Variants in CFAP69 observed in about 807,000 individuals in gnomAD.
CFAP69 encodes the protein cilia- and flagella-associated protein 69.
CFAP69 carries 92 observed loss-of-function variants against 123.0 expected under a neutral mutation model. The observed-to-expected ratio is 0.75, with a 90% CI of 0.63 to 0.89. CFAP69 has a LOEUF of 0.89. Among genes scored for constraint, CFAP69 ranks in the 40% least tolerant of loss-of-function variants. The probability of loss-of-function intolerance (pLI) is 0.00; values close to 1 mark genes in which losing one functional copy is unlikely to be tolerated. For missense variants in CFAP69, 1,067 were observed against 1,096.9 expected, an observed-to-expected ratio of 0.97 and a Z score of 0.39; for synonymous variants, 380 against 364.3, an observed-to-expected ratio of 1.04 and a Z score of -0.49.
chr7:90,316,570 C>T, the CFAP69 span: 2 of 151,936 alleles, frequency 1.3e-5, no homozygotes, highest in African/African-American at 4.8e-5. Context: ...ACTAATATAC[C>T]CTAAAGCTTA....
At chr7:90,265,095 G>T in intron 4 of CFAP69, among the ~76,000 whole-genome samples, 1 of 151,922 alleles carries the variant, frequency 6.6e-6, no homozygotes, top group Non-Finnish European at 1.5e-5. Flanking sequence ...CCCGGCCCCA[G>T]AAACATTTTT....
intron 19 of CFAP69, 127 bp downstream of exon 19, chr7:90,304,947 C>T (rs751093959): frequency 2.9e-6 from 2 of 700,238 alleles, no homozygotes; most frequent in Non-Finnish European, 4.4e-6. Context: ...TTTCATTTTG[C>T]ATCTGATGCT....
At chr7:90,246,335 G>T (rs567115603) in intron 1 of CFAP69, among the ~76,000 whole-genome samples, 30 of 152,218 alleles carry the variant, frequency 2.0e-4, no homozygotes, top group African/African-American at 6.0e-4. Flanking sequence ...CTTAAAAGCC[G>T]CGAATTCCTG....
At chr7:90,269,490 G>A (rs1393569015) in intron 6 of CFAP69, among the ~76,000 whole-genome samples, 1 of 152,182 alleles carries the variant, frequency 6.6e-6, no homozygotes, top group Non-Finnish European at 1.5e-5. Context: ...CATGTCTTGT[G>A]TGCCAGTGAA....
At chr7:90,283,456 A>T (rs1437554277) in intron 13 of CFAP69, among the ~76,000 whole-genome samples, 1 of 152,176 alleles carries the variant, frequency 6.6e-6, no homozygotes, top group Non-Finnish European at 1.5e-5. Context: ...ATTTACAGAA[A>T]TGTACAGAGG....
intron 17 of CFAP69, chr7:90,302,105 G>T (rs1374679403): frequency 2.0e-5 from 3 of 152,026 alleles, no homozygotes; most frequent in African/African-American, 4.8e-5. Context: ...TATGCTTGTT[G>T]GCTGCATGTA....
At chr7:90,262,972 T>G (rs10251227) in intron 4 of CFAP69, among the ~76,000 whole-genome samples, 96,021 of 151,794 alleles carry the variant, frequency 0.63, 30,879 homozygotes, top group East Asian at 0.93. Context: ...AATAGACAGG[T>G]ACAATGGAAA....
At chr7:90,300,724 C>G (rs937521233) in intron 17 of CFAP69, 1 of 181,256 alleles carries the variant, frequency 5.5e-6, no homozygotes, top group African/African-American at 2.4e-5. Context: ...AATCTTGGCT[C>G]ACTGAAACCT....
At chr7:90,319,457 A>G in the CFAP69 span, 1 of 398,624 alleles carries the variant, frequency 2.5e-6, no homozygotes, top group Non-Finnish European at 4.4e-6. Flanking sequence ...TACATGTCCC[A>G]GAAATCCTGA....
chr7:90,273,332 T>G (rs1800232432), intron 8 of CFAP69, among the ~76,000 whole-genome samples: 1 of 152,184 alleles, frequency 6.6e-6, no homozygotes, highest in African/African-American at 2.4e-5. Context: ...ATGAAAGGTC[T>G]AATAAGCCTT....
At chr7:90,275,422 A>G (rs1788436417) in intron 9 of CFAP69, among the ~76,000 whole-genome samples, 1 of 152,006 alleles carries the variant, frequency 6.6e-6, no homozygotes, top group Non-Finnish European at 1.5e-5. Context: ...CACAGAATTT[A>G]GCATTCTCTC....
At chr7:90,298,017 T>C (rs1222669733) in intron 16 of CFAP69, among the ~76,000 whole-genome samples, 187 bp downstream of exon 16, 4 of 152,336 alleles carry the variant, frequency 2.6e-5, no homozygotes, top group South Asian at 4.1e-4. Context: ...CTCTGAAAAT[T>C]CCTCTGGTTG....
the CFAP69 span, among the ~76,000 whole-genome samples, chr7:90,316,239 C>G: frequency 6.6e-6 from 1 of 152,154 alleles, no homozygotes; most frequent in African/African-American, 2.4e-5. Flanking sequence ...CAGCCTTAAG[C>G]TCTCTGAAAA....
intron 15 of CFAP69, among the ~76,000 whole-genome samples, chr7:90,296,552 T>C (rs2117281981): frequency 6.6e-6 from 1 of 152,104 alleles, no homozygotes; most frequent in African/African-American, 2.4e-5. Flanking sequence ...GGTCTCGAAC[T>C]CCTGACCTCA....
At chr7:90,270,768 G>A (rs952957024) in intron 6 of CFAP69, among the ~76,000 whole-genome samples, 3 of 152,046 alleles carry the variant, frequency 2.0e-5, no homozygotes, top group Admixed American at 6.6e-5. Context: ...CAGTAAATGA[G>A]GACCCTTTGG....
the CFAP69 span, chr7:90,317,710 T>A: frequency 6.6e-6 from 1 of 152,132 alleles, no homozygotes; most frequent in African/African-American, 2.4e-5. Flanking sequence ...TTGAAAGTGG[T>A]CAATAATGCA....
intron 15 of CFAP69, among the ~76,000 whole-genome samples, chr7:90,291,729 A>G (rs1791231575): frequency 6.6e-6 from 1 of 152,156 alleles, no homozygotes. Flanking sequence ...TCTTGTGTTC[A>G]GGGTACAGGG....
At chr7:90,277,514 G>A (rs959132138) in intron 11 of CFAP69, among the ~76,000 whole-genome samples, 180 bp downstream of exon 11, 2 of 152,124 alleles carry the variant, frequency 1.3e-5, no homozygotes, top group African/African-American at 2.4e-5. Flanking sequence ...TTAGTAAACA[G>A]TGAAGTACTT....
At chr7:90,248,791 A>G (rs1035232290) in intron 1 of CFAP69, among the ~76,000 whole-genome samples, 3 of 152,196 alleles carry the variant, frequency 2.0e-5, no homozygotes, top group African/African-American at 7.2e-5. Context: ...ACAATAAAAT[A>G]GTACCAGAAT....
Sources: gnomAD v4.1 joint callset for allele counts (sites outside exome capture counted in the v4.1 genomes callset) on GRCh38, gnomAD v4.1.1 for gene constraint, MANE v1.5 for transcripts, NCBI Gene and HGNC (gene_info 2026-07-23, HGNC 2026-07-21) for gene names.